Variants in HRH1 observed in about 807,000 individuals in gnomAD.
HRH1 encodes histamine H1 receptor.
HRH1 carries 6 observed loss-of-function variants against 10.3 expected under a neutral mutation model. The ratio of observed to expected loss-of-function variants is 0.58; its 90% CI spans 0.32 to 1.15. HRH1 has a LOEUF of 1.15. HRH1 is among the 50% of genes most tolerant of loss of function. The pLI, the probability that HRH1 is intolerant of heterozygous loss-of-function variation, is 0.05. For missense variants in HRH1, 514 were observed against 615.3 expected, an observed-to-expected ratio of 0.84 and a Z score of 1.74; for synonymous variants, 242 against 236.7, an observed-to-expected ratio of 1.02 and a Z score of -0.21.
Position 11,259,446 on chromosome 3 carries a change from A to C in HRH1, c.409A>C (p.Lys137Gln). 7 of 1,613,150 alleles carry C rather than the reference A, an allele frequency of 4.3e-6. No individual in the cohort carries two copies. Among genetic ancestry groups the C allele is most frequent in the Non-Finnish European group, 5.9e-6 (7 of 1,179,742 alleles). ...RSVQQPLRYL[K>Q]YRTKTRASAT... The stretch of plus-strand genomic sequence containing the variant: ...TGTCCAGCAGCCCCTCAGGTACCTT[A>C]AGTATCGTACCAAGACCCGAGCCTC... Residue 137 changes from lysine to glutamine, a missense_variant, in exon 2 of 2, where the codon AAG becomes CAG. Physicochemically the swap from Lys to Gln is moderately conservative, Grantham distance 53. Coordinates refer to ENST00000431010, the MANE Select transcript of HRH1 (RefSeq NM_001098212.2). The surrounding 1 kb of genome is among the most constrained non-coding windows in gnomAD (Gnocchi z 4.6).
intron 1 of HRH1, among the ~76,000 whole-genome samples, chr3:11,184,394 G>A (rs540256381): frequency 5.3e-5 from 8 of 152,052 alleles, no homozygotes; most frequent in Non-Finnish European, 1.2e-4. Context: ...GAATCTGAAC[G>A]CAGGCGGTCC....
chr3:11,186,773 G>A (rs754397719), intron 1 of HRH1, among the ~76,000 whole-genome samples: 1 of 152,142 alleles, frequency 6.6e-6, no homozygotes, highest in Non-Finnish European at 1.5e-5. Context: ...GAGAGTGCCT[G>A]GATCTGCTCT....
intron 1 of HRH1, among the ~76,000 whole-genome samples, chr3:11,183,979 G>T (rs1937407087): frequency 6.6e-6 from 1 of 151,322 alleles, no homozygotes; most frequent in South Asian, 2.1e-4. Context: ...CGGTGTGATG[G>T]TTTTTGCCAT....
intron 1 of HRH1, among the ~76,000 whole-genome samples, chr3:11,142,634 G>A (rs886956660): frequency 3.9e-5 from 6 of 152,366 alleles, no homozygotes; most frequent in Non-Finnish European, 7.3e-5. Flanking sequence ...GAATGATGAA[G>A]CCAGGCACAG....
intron 1 of HRH1, among the ~76,000 whole-genome samples, chr3:11,218,469 TA>T (rs1373810049): frequency 1.3e-5 from 2 of 150,192 alleles, no homozygotes; most frequent in Non-Finnish European, 3.0e-5. Context: ...AAAAAAAAAT[TA>T]AAAGACACAA....
intron 1 of HRH1, among the ~76,000 whole-genome samples, chr3:11,203,977 A>C (rs1412224232): frequency 6.6e-6 from 1 of 152,244 alleles, no homozygotes; most frequent in Non-Finnish European, 1.5e-5. Context: ...ATCCATGAAC[A>C]TGCTGTCCTT....
intron 1 of HRH1, among the ~76,000 whole-genome samples, chr3:11,224,494 G>A (rs1053147271): frequency 6.6e-6 from 1 of 152,130 alleles, no homozygotes. Context: ...TCAGGATATC[G>A]AGACCATCCT....
At chr3:11,242,509 A>AAAAAAAT (rs1559283215) in intron 1 of HRH1, among the ~76,000 whole-genome samples, 6 of 120,768 alleles carry the variant, frequency 5.0e-5, no homozygotes, top group African/African-American at 2.0e-4. Flanking sequence ...AAAAAAAAAA[A>AAAAAAAT]GCTGTAACAC....
chr3:11,178,613 C>A lies in HRH1; in HGVS notation c.-36+24059C>A, dbSNP rs532773320. Among the ~76,000 whole-genome samples the A allele has an allele frequency of 3.3e-5, 5 of 152,304 alleles. No individual in the cohort carries two copies. The East Asian group carries it at 5.8e-4, about 18-fold the overall frequency. On this transcript the variant is annotated intron_variant, in intron 1 of 1. Coordinates refer to ENST00000431010, the MANE Select transcript of HRH1 (RefSeq NM_001098212.2). ...AGAACTTCCACCTTCCACCCCACCC[C>A]CTGCGGCCTTTGACAGACGACTGTT...
chr3:11,197,282 C>A (rs1016516384), intron 1 of HRH1, among the ~76,000 whole-genome samples: 3 of 152,134 alleles, frequency 2.0e-5, no homozygotes, highest in African/African-American at 4.8e-5. Flanking sequence ...CCCTTGATTT[C>A]TTTCGATTTA....
rs776390036 is a variant in HRH1, at chr3:11,260,000, T to C, written c.963T>C (p.Tyr321=). Residue 321 remains tyrosine, a synonymous_variant, in exon 2 of 2, where the codon TAT becomes TAC. Coordinates refer to ENST00000431010, the MANE Select transcript of HRH1 (RefSeq NM_001098212.2). The surrounding 1 kb of genome is among the most constrained non-coding windows in gnomAD (Gnocchi z 4.6). ...CGGCAGAGGGGAGTAGCAGGGACTA[T>C]GTAGCCGTCAACCGGAGCCATGGCC... The part of the protein sequence containing the change: ...QAAAEGSSRD[Y]VAVNRSHGQL... 3.1e-6 allele frequency: 5 copies of C among 1,614,154 alleles called. No individual in the cohort carries two copies. Among genetic ancestry groups the C allele is most frequent in the South Asian group, 1.1e-5 (1 of 91,076 alleles).
intron 1 of HRH1, among the ~76,000 whole-genome samples, chr3:11,170,326 G>C (rs765157431): frequency 6.6e-6 from 1 of 152,248 alleles, no homozygotes; most frequent in Non-Finnish European, 1.5e-5. Context: ...AAATTAAGTC[G>C]TTTCTCTTAG....
At chr3:11,238,717 C>T (rs1041409935) in intron 1 of HRH1, among the ~76,000 whole-genome samples, 1 of 152,234 alleles carries the variant, frequency 6.6e-6, no homozygotes, top group African/African-American at 2.4e-5. Flanking sequence ...CAGGCAACCA[C>T]TAATCTATTC....
intron 1 of HRH1, among the ~76,000 whole-genome samples, chr3:11,229,431 A>G (rs1384423202): frequency 6.6e-6 from 1 of 152,192 alleles, no homozygotes; most frequent in Non-Finnish European, 1.5e-5. Context: ...GGCATTTAGG[A>G]GCAAAACAAT....
chr3:11,172,733 C>T (rs1423587273), intron 1 of HRH1, among the ~76,000 whole-genome samples: 2 of 130,380 alleles, frequency 1.5e-5, no homozygotes, highest in Non-Finnish European at 3.1e-5. Context: ...GATGGAGTCT[C>T]GCTCTGTCCC....
chr3:11,152,793 C>A (rs778311386), upstream of HRH1, among the ~76,000 whole-genome samples: 9 of 151,892 alleles, frequency 5.9e-5, no homozygotes, highest in Non-Finnish European at 1.3e-4. Flanking sequence ...TGGAGAATCA[C>A]CAGGGAGTGG....
chr3:11,243,574 T>C (rs988441940), intron 1 of HRH1, among the ~76,000 whole-genome samples: 1 of 152,214 alleles, frequency 6.6e-6, no homozygotes, highest in Non-Finnish European at 1.5e-5. Context: ...GTAAAGAAGC[T>C]TACTTACACC....
At position 11,161,609 on chromosome 3, in the gene HRH1, G is replaced by A. The variant is rs75187302; in HGVS notation, c.-36+7055G>A. ...TGAGCCTAACATGGGCCTCTGGTAG[G>A]GTCTGCATTCATAACAGAGCGCCTG... is the stretch of plus-strand genomic sequence containing the variant. On this transcript the variant is annotated intron_variant, in intron 1 of 1. Transcript: ENST00000431010. Among the ~76,000 whole-genome samples, 31 of 152,266 alleles carry A rather than the reference G, an allele frequency of 2.0e-4. No individual in the cohort carries two copies. In the East Asian group the frequency reaches 6.0e-3, roughly 29 times the overall value.
intron 1 of HRH1, among the ~76,000 whole-genome samples, chr3:11,232,835 C>T (rs150904433): frequency 9.1e-4 from 138 of 152,342 alleles, no homozygotes; most frequent in African/African-American, 3.2e-3. Flanking sequence ...CAGTCCTGTA[C>T]AAGTTCGTCT....
Sources: gnomAD v4.1 joint callset for allele counts (sites outside exome capture counted in the v4.1 genomes callset) on GRCh38, gnomAD v4.1.1 for gene constraint, Gnocchi (gnomAD v3.1) non-coding constraint, MANE v1.5 for transcripts, NCBI Gene and HGNC (gene_info 2026-07-23, HGNC 2026-07-21) for gene names.